The following TDRD6 variants were observed in gnomAD, a reference collection of about 807,000 sequenced individuals.
TDRD6 encodes the protein tudor domain containing 6.
TDRD6 carries 186 observed loss-of-function variants against 157.5 expected under a neutral mutation model. The observed-to-expected ratio is 1.18, with a 90% CI of 1.05 to 1.33. The LOEUF (loss-of-function observed/expected upper bound fraction) is 1.33. TDRD6 is among the 40% of genes most tolerant of loss of function. TDRD6 has a pLI of 0.00. For synonymous variants in TDRD6, 1,075 were observed against 945.2 expected, an observed-to-expected ratio of 1.14 and a Z score of -2.52; for missense variants, 3,066 against 2,508.0, an observed-to-expected ratio of 1.22 and a Z score of -4.75.
chr6:46,700,941 G>T (rs908419153), intron 3 of TDRD6: 4 of 352,652 alleles, frequency 1.1e-5, no homozygotes, highest in African/African-American at 2.2e-5. Flanking sequence ...TTTCTGATTT[G>T]AATTATTTTG....
Position 46,689,817 on chromosome 6 carries a change from G to A in TDRD6, c.1689G>A (p.Lys563=), listed in dbSNP as rs372811658. 1.9e-6 allele frequency: 3 copies of A among 1,614,210 alleles called. No individual in the cohort carries two copies. The Admixed American group carries it at 5.0e-5, about 27-fold the overall frequency. ...CCATAGTCACCAAATTGGATGACAA[G>A]AGTGTGGATGTATTCTTAGTTGACC... ...YRAIVTKLDD[K]SVDVFLVDRG... is the part of the protein sequence containing the mutation. The change falls in exon 1 of 4, where the codon AAG becomes AAA. Residue 563 remains lysine (K), a synonymous_variant. Transcript: ENST00000316081.
chr6:46,695,075 G>C (rs1764457187), intron 1 of TDRD6, among the ~76,000 whole-genome samples: 1 of 151,886 alleles, frequency 6.6e-6, no homozygotes, highest in Non-Finnish European at 1.5e-5. Context: ...GTAACTTTTA[G>C]CTTTTTATAA....
In TDRD6 at chr6:46,689,909, C is replaced by A; in HGVS notation, c.1781C>A (p.Pro594Gln). ...RMLLPQFRQL[P>Q]ILAVKCTLAD... is the part of the protein sequence containing the mutation. ...CTGCTTCCTCAGTTTAGGCAGCTAC[C>A]AATATTGGCTGTGAAGTGCACCCTG... Residue 594 changes from proline to glutamine, a missense_variant, in exon 1 of 4, where the codon CCA becomes CAA. Coordinates refer to ENST00000316081, the MANE Select transcript of TDRD6 (RefSeq NM_001010870.3). 4 of 1,614,098 alleles carry A rather than the reference C, an allele frequency of 2.5e-6. No individual in the cohort carries two copies. Among genetic ancestry groups the A allele is most frequent in the Non-Finnish European group, 3.4e-6 (4 of 1,180,022 alleles).
chr6:46,703,109 A>T lies in TDRD6; in HGVS notation c.*1222A>T, dbSNP rs979650117. On this transcript the variant is annotated 3_prime_UTR_variant, in exon 4 of 4. Coordinates refer to ENST00000316081, the MANE Select transcript of TDRD6 (RefSeq NM_001010870.3). ...ACCAACAAAAGACTGTAAAAAACAA[A>T]CAAACAAAAAAGTGTTGAATGGGAC... 6.6e-6 allele frequency: 1 copy of T among 152,092 alleles called. No homozygotes were observed. The allele number at this position is 152,092 out of a possible 1,614,324, so 9.4% of individuals were successfully genotyped here.
chr6:46,693,292 T>C lies in TDRD6; in HGVS notation c.5164T>C (p.Ser1722Pro). 6.2e-7 allele frequency: 1 copy of C among 1,611,782 alleles called. No individual in the cohort carries two copies. Among genetic ancestry groups the C allele is most frequent in the Non-Finnish European group, 8.5e-7 (1 of 1,179,442 alleles). The change falls in exon 1 of 4, where the codon TCC (serine) becomes CCC (proline). Residue 1722 changes from serine (S) to proline (P), a missense_variant. Ser to Pro is a moderately conservative substitution (Grantham distance 74). Transcript: ENST00000316081. ...IDSEIKQTLG[S>P]YNLDVGLKKL... is the part of the protein sequence containing the mutation. ...CTCAGAGATAAAGCAGACTCTTGGG[T>C]CCTACAATCTTGATGTAGGACTTAA...
chr6:46,684,012 T>C (rs1764024559), upstream of TDRD6, among the ~76,000 whole-genome samples: 2 of 152,106 alleles, frequency 1.3e-5, no homozygotes, highest in Non-Finnish European at 2.9e-5. Flanking sequence ...GTTATATCCA[T>C]TTTCAGATAT....
Position 46,688,282 on chromosome 6 carries a change from G to GAAGCGGCTT in TDRD6, c.161_162insTTAAGCGGC (p.Ala54_Ala55insTer). On this transcript the variant is annotated stop_gained and inframe_insertion, in exon 1 of 4. Transcript: ENST00000316081. LOFTEE classifies it high-confidence loss of function. The stretch of plus-strand genomic sequence containing the variant: ...CCTGCGGCTGAGCCGGGAAATCCAG[G>GAAGCGGCTT]AAGCGGCGGCCACGCGCGGCCAGTG... 1 of 1,499,622 alleles carries GAAGCGGCTT rather than the reference G, an allele frequency of 6.7e-7. No homozygotes were observed. Among genetic ancestry groups the GAAGCGGCTT allele is most frequent in the Non-Finnish European group, 8.8e-7 (1 of 1,132,674 alleles). The allele number at this position is 1,499,622 out of a possible 1,614,324, so 92.9% of individuals were successfully genotyped here.
At chr6:46,701,813 T>A in intron 3 of TDRD6, 45 bp from the exon 4 acceptor site, 1 of 1,608,252 alleles carries the variant, frequency 6.2e-7, no homozygotes, top group Non-Finnish European at 8.5e-7. Context: ...TTTTTTTGTT[T>A]GTATGTTTCT....
chr6:46,689,603 A>T lies in TDRD6; in HGVS notation c.1475A>T (p.Gln492Leu). ...RLKMNAFYDA[Q>L]VEFVKNPSEF... ...AAGATGAATGCCTTCTACGATGCGC[A>T]GGTAGAGTTTGTTAAAAATCCTTCT... The change falls in exon 1 of 4, where the codon CAG (glutamine) becomes CTG (leucine). Residue 492 changes from glutamine (Q) to leucine (L), a missense_variant. Transcript: ENST00000316081. 6.2e-7 allele frequency: 1 copy of T among 1,614,174 alleles called. No homozygotes were observed. The highest frequency in any genetic ancestry group is 8.5e-7 in the Non-Finnish European group (1 of 1,180,032).
rs1189523483 is a variant in TDRD6, at chr6:46,691,960, G to A, written c.3832G>A (p.Glu1278Lys). ...KTARVEATLS[E>K]RKIGDSCDKD... The stretch of plus-strand genomic sequence containing the variant: ...AGCAAGAGTAGAAGCTACTCTTTCA[G>A]AGAGAAAAATAGGAGATTCATGTGA... Residue 1278 changes from glutamate (E) to lysine (K), a missense_variant, in exon 1 of 4, where the codon GAG becomes AAG. Glu to Lys is a moderately conservative substitution (Grantham distance 56). Coordinates refer to ENST00000316081, the MANE Select transcript of TDRD6 (RefSeq NM_001010870.3). 6.2e-7 allele frequency: 1 copy of A among 1,613,274 alleles called. No homozygotes were observed.
chr6:46,693,090 C>T lies in TDRD6; in HGVS notation c.4962C>T (p.Phe1654=). The change falls in exon 1 of 4, where the codon TTC becomes TTT. Residue 1654 remains phenylalanine, a synonymous_variant. Coordinates refer to ENST00000316081, the MANE Select transcript of TDRD6 (RefSeq NM_001010870.3). ...GLCSQEGNDY[F]YEIITEDVLE... ...GTTCTCAAGAGGGAAATGACTATTTCTATGAAATAATAACAGAAGATGTGT... is the reference window on the plus strand; with the variant it reads ...GTTCTCAAGAGGGAAATGACTATTTTTATGAAATAATAACAGAAGATGTGT... 6.2e-7 allele frequency: 1 copy of T among 1,613,644 alleles called. No individual in the cohort carries two copies. Among genetic ancestry groups the T allele is most frequent in the Non-Finnish European group, 8.5e-7 (1 of 1,179,904 alleles).
chr6:46,697,666 C>T (rs192581373), intron 2 of TDRD6, among the ~76,000 whole-genome samples: 3 of 152,254 alleles, frequency 2.0e-5, no homozygotes, highest in Admixed American at 2.0e-4. Context: ...GCAGGTGGAT[C>T]GCTTGAGCCA....
At chr6:46,700,449 A>G (rs1419536875) in intron 3 of TDRD6, among the ~76,000 whole-genome samples, 1 of 152,100 alleles carries the variant, frequency 6.6e-6, no homozygotes, top group East Asian at 1.9e-4. Flanking sequence ...ACTTTTTTTT[A>G]ATGATACATC....
chr6:46,689,583 G>T lies in TDRD6; in HGVS notation c.1455G>T (p.Met485Ile). The T allele has an allele frequency of 6.2e-7, 1 of 1,614,168 alleles. No individual in the cohort carries two copies. Among genetic ancestry groups the T allele is most frequent in the Non-Finnish European group, 8.5e-7 (1 of 1,180,032 alleles). Residue 485 changes from methionine (M) to isoleucine (I), a missense_variant, in exon 1 of 4, where the codon ATG becomes ATT. Transcript: ENST00000316081. ...LPALRSIRLK[M>I]NAFYDAQVEF... The stretch of plus-strand genomic sequence containing the variant: ...CCTTAAGATCTATCAGGTTAAAGAT[G>T]AATGCCTTCTACGATGCGCAGGTAG...
At chr6:46,684,621 AT>A (rs899112197), upstream of TDRD6, among the ~76,000 whole-genome samples, 11 of 151,024 alleles carry the variant, frequency 7.3e-5, no homozygotes, top group South Asian at 2.1e-4. Flanking sequence ...ACCTTTTACT[AT>A]TTTTTTTTCA....
chr6:46,691,895 AAAAG>A lies in TDRD6; in HGVS notation c.3774_3777del (p.Glu1259LysfsTer8), dbSNP rs762321392. On this transcript the variant is annotated frameshift_variant, in exon 1 of 4. Transcript: ENST00000316081. LOFTEE classifies it high-confidence loss of function. ...AGTCAAGTGTTTCCATTAACAACAG[AAAAG>A]AAAGAAGAAATTTCTGCTGAGACAC... is the stretch of plus-strand genomic sequence containing the variant. 41 of 1,594,538 alleles carry A rather than the reference AAAAG, an allele frequency of 2.6e-5. No individual in the cohort carries two copies. Among genetic ancestry groups the A allele is most frequent in the African/African-American group, 6.8e-5 (5 of 73,292 alleles).
Position 46,690,456 on chromosome 6 carries a change from C to A in TDRD6, c.2328C>A (p.Val776=). The A allele has an allele frequency of 5.0e-6, 8 of 1,614,122 alleles. No individual in the cohort carries two copies. The highest frequency in any genetic ancestry group is 6.8e-6 in the Non-Finnish European group (8 of 1,180,020). Reference sequence around the variant, plus strand: ...TGGAAGTTGGAAGTACAGTAGAAGTCAGAGTGTCTTATGTTGAAAACCCTG... The same window carrying A: ...TGGAAGTTGGAAGTACAGTAGAAGTAAGAGTGTCTTATGTTGAAAACCCTG... The part of the protein sequence containing the change: ...GELEVGSTVE[V]RVSYVENPGY... The change falls in exon 1 of 4, where the codon GTC becomes GTA. Residue 776 remains valine, a synonymous_variant. Coordinates refer to ENST00000316081, the MANE Select transcript of TDRD6 (RefSeq NM_001010870.3).
At position 46,690,378 on chromosome 6, in the gene TDRD6, T is replaced by A; in HGVS notation, c.2250T>A (p.Pro750=). 1 of 1,613,854 alleles carries A rather than the reference T, an allele frequency of 6.2e-7. No homozygotes were observed. Among genetic ancestry groups the A allele is most frequent in the Non-Finnish European group, 8.5e-7 (1 of 1,180,022 alleles). Residue 750 remains proline (P), a synonymous_variant, in exon 1 of 4, where the codon CCT becomes CCA. Coordinates refer to ENST00000316081, the MANE Select transcript of TDRD6 (RefSeq NM_001010870.3). ...TGAAAAGAGCATCTGTTTATTTTCC[T>A]CTTATGCAGAATTGCTTGGAAATTA... The part of the protein sequence containing the change: ...EKVKRASVYF[P]LMQNCLEIKP...
upstream of TDRD6, among the ~76,000 whole-genome samples, chr6:46,687,070 T>C (rs768127372): frequency 9.9e-5 from 15 of 152,224 alleles, no homozygotes; most frequent in Non-Finnish European, 1.9e-4. Flanking sequence ...AAAAATCTAA[T>C]GTAGACATAT....
Sources: gnomAD v4.1 joint callset for allele counts (sites outside exome capture counted in the v4.1 genomes callset) on GRCh38, gnomAD v4.1.1 for gene constraint, MANE v1.5 for transcripts, NCBI Gene and HGNC (gene_info 2026-07-23, HGNC 2026-07-21) for gene names.